The following MAPK14 variants were observed in gnomAD, a reference collection of about 807,000 sequenced individuals.
MAPK14 encodes the protein CSAID-binding protein.
A neutral mutation model predicts 49.6 loss-of-function variants in MAPK14; 16 were observed. The observed-to-expected ratio is 0.32, with a 90% confidence interval of 0.22 to 0.49. The LOEUF is 0.49. Ranked by LOEUF, MAPK14 falls within the 20% of genes least tolerant of loss-of-function variation. The probability of loss-of-function intolerance (pLI) is 0.99; values close to 1 mark genes in which losing one functional copy is unlikely to be tolerated. For missense variants in MAPK14, 200 were observed against 441.2 expected, an observed-to-expected ratio of 0.45 and a Z score of 4.90; for synonymous variants, 142 against 158.0, an observed-to-expected ratio of 0.90 and a Z score of 0.76.
chr6:36,057,274 A>T (rs1763624297), intron 2 of MAPK14, among the ~76,000 whole-genome samples: 1 of 152,256 alleles, frequency 6.6e-6, no homozygotes, highest in Non-Finnish European at 1.5e-5. Flanking sequence ...AATATTAAGT[A>T]AAAAGGCAGG....
At chr6:36,079,553 A>T (rs578103690) in intron 8 of MAPK14, among the ~76,000 whole-genome samples, 15 of 152,248 alleles carry the variant, frequency 9.9e-5, no homozygotes, top group African/African-American at 3.1e-4. Flanking sequence ...CAAATTTGTG[A>T]TGGGCTGCAT....
intron 3 of MAPK14, among the ~76,000 whole-genome samples, chr6:36,066,765 T>G (rs1764078306): frequency 1.3e-5 from 2 of 152,124 alleles, no homozygotes; most frequent in Non-Finnish European, 2.9e-5. Context: ...TGTGTATGTG[T>G]GTATGTGTGT....
At chr6:36,105,706 G>A (rs1765778538) in intron 10 of MAPK14, among the ~76,000 whole-genome samples, 1 of 152,178 alleles carries the variant, frequency 6.6e-6, no homozygotes, top group Admixed American at 6.5e-5. Context: ...GATTACTCTG[G>A]AATTCAAGCT....
chr6:36,100,244 A>G (rs201541968), intron 9 of MAPK14: 10 of 1,600,902 alleles, frequency 6.2e-6, no homozygotes, highest in Non-Finnish European at 8.6e-6. Context: ...CGCTTATCTC[A>G]TTAACAGGAT....
intron 8 of MAPK14, among the ~76,000 whole-genome samples, chr6:36,094,501 T>C (rs370721549): frequency 1.3e-5 from 2 of 152,374 alleles, no homozygotes; most frequent in East Asian, 1.9e-4. Context: ...CCATTTAAGC[T>C]GATTTCATGT....
chr6:36,115,112 C>T (rs1055431406), downstream of MAPK14, among the ~76,000 whole-genome samples: 1 of 152,202 alleles, frequency 6.6e-6, no homozygotes, highest in African/African-American at 2.4e-5. Flanking sequence ...GGTCTAAGTA[C>T]GCATAGCCAG....
At chr6:36,042,466 G>A in intron 1 of MAPK14, among the ~76,000 whole-genome samples, 1 of 147,758 alleles carries the variant, frequency 6.8e-6, no homozygotes, top group South Asian at 2.2e-4. Flanking sequence ...AAGCTTCAGT[G>A]AAGGAATATC....
chr6:36,028,306 C>T lies in MAPK14; in HGVS notation c.116+33C>T, dbSNP rs374367305. ...TCGCTGGGCCTGGGGCCGCTGTGGG[C>T]AGGGTGGCCCCTCGCGCCCGAGGGC... is the stretch of plus-strand genomic sequence containing the variant. On this transcript the variant is annotated intron_variant, in intron 1 of 11. Coordinates refer to ENST00000229794, the MANE Select transcript of MAPK14 (RefSeq NM_139012.3). This position sits in a 1 kb window ranked among gnomAD's most constrained non-coding sequence, Gnocchi z 5.1. The T allele has an allele frequency of 2.4e-5, 36 of 1,529,930 alleles. No homozygotes were observed. Among genetic ancestry groups the T allele is most frequent in the Non-Finnish European group, 3.2e-5 (35 of 1,105,442 alleles). 94.8% of individuals were successfully genotyped at this position (1,529,930 alleles called of 1,614,324 possible).
At chr6:36,113,774 G>T (rs907558829), downstream of MAPK14, among the ~76,000 whole-genome samples, 3 of 152,172 alleles carry the variant, frequency 2.0e-5, no homozygotes, top group African/African-American at 7.2e-5. Flanking sequence ...AATGAGAAAG[G>T]TGTTTAAAAG....
At chr6:36,074,127 C>T in intron 6 of MAPK14, 31 bp downstream of exon 6, 1 of 1,588,416 alleles carries the variant, frequency 6.3e-7, no homozygotes. Context: ...TCATTGTTTG[C>T]TTTACTTTGA....
At chr6:36,031,830 T>A (rs762939382) in intron 1 of MAPK14, among the ~76,000 whole-genome samples, 1 of 152,234 alleles carries the variant, frequency 6.6e-6, no homozygotes, top group Non-Finnish European at 1.5e-5. Context: ...TTGGTGATAC[T>A]ACTGTTTTAG....
At chr6:36,068,852 T>C (rs1278419638) in intron 3 of MAPK14, among the ~76,000 whole-genome samples, 2 of 152,198 alleles carry the variant, frequency 1.3e-5, no homozygotes, top group Non-Finnish European at 2.9e-5. Context: ...TCTTCCTTCT[T>C]GCTGTCACAG....
At chr6:36,114,659 G>T (rs1766029411), downstream of MAPK14, among the ~76,000 whole-genome samples, 1 of 150,660 alleles carries the variant, frequency 6.6e-6, no homozygotes. Context: ...TGGAGGAAAA[G>T]TACAAATTGG....
At chr6:36,096,309 T>G (rs1765444962) in intron 9 of MAPK14, 2 of 414,370 alleles carry the variant, frequency 4.8e-6, no homozygotes, top group East Asian at 7.5e-5. Context: ...GGAGCCTCCA[T>G]TAGACAATAG....
intron 1 of MAPK14, among the ~76,000 whole-genome samples, chr6:36,041,117 C>G (rs905196307): frequency 1.3e-5 from 2 of 151,920 alleles, no homozygotes; most frequent in African/African-American, 4.8e-5. Context: ...AGATACAATG[C>G]ATTTTCCTGA....
chr6:36,030,104 T>G (rs1013442967), intron 1 of MAPK14, among the ~76,000 whole-genome samples: 3 of 152,188 alleles, frequency 2.0e-5, no homozygotes, highest in Non-Finnish European at 4.4e-5. Flanking sequence ...TTCAATGCTA[T>G]TTAAATTTTA....
intron 2 of MAPK14, among the ~76,000 whole-genome samples, chr6:36,056,907 G>T (rs930707807): frequency 1.3e-5 from 2 of 152,156 alleles, no homozygotes; most frequent in African/African-American, 2.4e-5. Flanking sequence ...GAGGTCTTAA[G>T]CCAGGAGTAT....
At chr6:36,079,231 A>G (rs1017823126) in intron 8 of MAPK14, among the ~76,000 whole-genome samples, 2 of 152,222 alleles carry the variant, frequency 1.3e-5, no homozygotes, top group South Asian at 2.1e-4. Context: ...GCTACCTGTC[A>G]CATAGGCCAC....
At chr6:36,117,611 TATAAAGGTTAAGGATACAG>T in the MAPK14 span, among the ~76,000 whole-genome samples, 1 of 152,156 alleles carries the variant, frequency 6.6e-6, no homozygotes, top group Non-Finnish European at 1.5e-5. Flanking sequence ...AAGAAAAACA[TATAAAGGTTAAGGATACAG>T]GCTCTGGAAC....
Sources: gnomAD v4.1 joint callset for allele counts (sites outside exome capture counted in the v4.1 genomes callset) on GRCh38, gnomAD v4.1.1 for gene constraint, Gnocchi (gnomAD v3.1) non-coding constraint, MANE v1.5 for transcripts, NCBI Gene and HGNC (gene_info 2026-07-23, HGNC 2026-07-21) for gene names.